PPM1H: variants seen among roughly 807,000 people sequenced by gnomAD.
PPM1H encodes the protein protein phosphatase 1H.
PPM1H carries 27 observed loss-of-function variants against 54.9 expected under a neutral mutation model. The observed-to-expected ratio is 0.49, with a 90% CI of 0.36 to 0.68. The LOEUF (loss-of-function observed/expected upper bound fraction) is 0.68, where lower values mean the gene tolerates loss of function less well. Ranked by LOEUF, PPM1H falls within the 30% of genes least tolerant of loss-of-function variation. The probability of loss-of-function intolerance (pLI) is 0.00; values close to 1 mark genes in which losing one functional copy is unlikely to be tolerated. For missense variants in PPM1H, 596 were observed against 667.8 expected (o/e 0.89, Z 1.19); for synonymous variants, 305 against 270.8 (o/e 1.13, Z -1.24).
intron 4 of PPM1H, among the ~76,000 whole-genome samples, chr12:62,783,276 C>A (rs1056801192): frequency 6.6e-6 from 1 of 152,156 alleles, no homozygotes; most frequent in African/African-American, 2.4e-5. Flanking sequence ...AACTGCAGTG[C>A]GTTTAAAATA....
At chr12:62,872,443 T>C (rs1870020534) in intron 1 of PPM1H, among the ~76,000 whole-genome samples, 1 of 152,198 alleles carries the variant, frequency 6.6e-6, no homozygotes, top group African/African-American at 2.4e-5. Context: ...ATGGCATAGA[T>C]GGAATATGAT....
intron 4 of PPM1H, among the ~76,000 whole-genome samples, chr12:62,748,529 AACACACACACACACAC>A (rs3052402): frequency 4.1e-5 from 6 of 147,290 alleles, no homozygotes; most frequent in African/African-American, 7.6e-5. Flanking sequence ...TTCAGTGTAG[AACACACACACACACAC>A]ACACACACAC....
At chr12:62,688,716 C>T (rs766333306) in intron 8 of PPM1H, among the ~76,000 whole-genome samples, 5 of 152,112 alleles carry the variant, frequency 3.3e-5, no homozygotes, top group Non-Finnish European at 2.9e-5. Flanking sequence ...TATGATCAGG[C>T]CAGGTGTGGT....
At chr12:62,751,333 AG>A (rs1191203115) in intron 4 of PPM1H, among the ~76,000 whole-genome samples, 3 of 152,234 alleles carry the variant, frequency 2.0e-5, no homozygotes, top group African/African-American at 7.2e-5. Flanking sequence ...ACACAATTCA[AG>A]GGGTGGAAAA....
chr12:62,774,747 G>T lies in PPM1H; in HGVS notation c.869+13479C>A, dbSNP rs146209619. 2.6e-3 allele frequency among the ~76,000 whole-genome samples: 398 copies of T among 152,214 alleles called. 3 individuals are homozygous for T. Among genetic ancestry groups the T allele is most frequent in the African/African-American group, 9.2e-3 (380 of 41,518 alleles). ...TTAGCAATCCCCTAAAATAGCAGAG[G>T]CTCAGCAAACTGTTCATGGATAAAG... is the stretch of plus-strand genomic sequence containing the variant. On this transcript the variant is annotated intron_variant, in intron 4 of 9. Coordinates refer to ENST00000228705, the MANE Select transcript of PPM1H (RefSeq NM_020700.2).
chr12:62,704,237 C>T (rs190064532), intron 6 of PPM1H, among the ~76,000 whole-genome samples: 1 of 152,240 alleles, frequency 6.6e-6, no homozygotes, highest in East Asian at 1.9e-4. Context: ...AAGGATCAGT[C>T]CCCAGGGTGA....
chr12:62,914,308 C>T (rs1226381618), intron 1 of PPM1H, among the ~76,000 whole-genome samples: 1 of 152,188 alleles, frequency 6.6e-6, no homozygotes, highest in Non-Finnish European at 1.5e-5. Context: ...CAGCCAGAGG[C>T]TTTCGCCAGA....
intron 1 of PPM1H, among the ~76,000 whole-genome samples, chr12:62,924,249 G>T (rs1221663117): frequency 6.6e-6 from 1 of 152,190 alleles, no homozygotes; most frequent in Non-Finnish European, 1.5e-5. Flanking sequence ...ACTGTAGGCA[G>T]TTCACCAACT....
intron 6 of PPM1H, among the ~76,000 whole-genome samples, chr12:62,717,389 G>C (rs2076240583): frequency 6.6e-6 from 1 of 151,906 alleles, no homozygotes; most frequent in African/African-American, 2.4e-5. Context: ...CTTCTGTGAA[G>C]TTCTATACAA....
At position 62,934,988 on chromosome 12, in the gene PPM1H, G is replaced by A. The variant is rs924097763; in HGVS notation, c.-252C>T. ...CGGAGCTGCATGGAGCGGGCCGACC[G>A]GGGGAGTCACCGCGCGCTCCAGGAG... On this transcript the variant is annotated 5_prime_UTR_variant, in exon 1 of 10. Transcript: ENST00000228705. This position sits in a 1 kb window ranked among gnomAD's most constrained non-coding sequence, Gnocchi z 4.2. 2.5e-5 allele frequency: 6 copies of A among 243,548 alleles called. No homozygotes were observed. The highest frequency in any genetic ancestry group is 6.8e-5 in the African/African-American group (3 of 43,934). 15.1% of individuals were successfully genotyped at this position (243,548 alleles called of 1,614,324 possible).
chr12:62,888,128 T>A (rs181488505), intron 1 of PPM1H, among the ~76,000 whole-genome samples: 194 of 152,220 alleles, frequency 1.3e-3, no homozygotes, highest in Non-Finnish European at 2.2e-3. Flanking sequence ...TGGCATATGT[T>A]TCAGAGGTGG....
chr12:62,780,552 T>C (rs60309222), intron 4 of PPM1H, among the ~76,000 whole-genome samples: 19,521 of 152,228 alleles, frequency 0.13, 1,592 homozygotes, highest in African/African-American at 0.23. Flanking sequence ...ATGATCTTCC[T>C]GCCTTGGCCT....
chr12:62,910,849 C>T (rs772558), intron 1 of PPM1H, among the ~76,000 whole-genome samples: 7 of 152,032 alleles, frequency 4.6e-5, no homozygotes, highest in Admixed American at 2.6e-4. Flanking sequence ...AGCAGCTGCC[C>T]GCAAGGAAGC....
chr12:62,869,127 G>A (rs756430885), intron 1 of PPM1H, among the ~76,000 whole-genome samples: 1 of 152,102 alleles, frequency 6.6e-6, no homozygotes, highest in African/African-American at 2.4e-5. Context: ...CCCTATATGT[G>A]GCTTTAGATA....
chr12:62,713,672 T>A (rs2076219833), intron 6 of PPM1H, among the ~76,000 whole-genome samples: 1 of 152,066 alleles, frequency 6.6e-6, no homozygotes, highest in South Asian at 2.1e-4. Flanking sequence ...TCCCACCTTT[T>A]AAAAAACTCT....
At chr12:62,724,943 T>A (rs138792913) in intron 5 of PPM1H, among the ~76,000 whole-genome samples, 135 of 152,326 alleles carry the variant, frequency 8.9e-4, no homozygotes, top group African/African-American at 3.1e-3. Flanking sequence ...CTGAATCATG[T>A]ATGTTCATAA....
chr12:62,896,258 G>A (rs1247039138), intron 1 of PPM1H, among the ~76,000 whole-genome samples: 25 of 152,082 alleles, frequency 1.6e-4, no homozygotes. Context: ...TGGGATCTAA[G>A]TAAACTAAAG....
At chr12:62,692,144 GA>G (rs1336100918) in intron 7 of PPM1H, among the ~76,000 whole-genome samples, 1 of 152,160 alleles carries the variant, frequency 6.6e-6, no homozygotes, top group Non-Finnish European at 1.5e-5. Flanking sequence ...ACGCGGAGAA[GA>G]AAGAGAAAAT....
chr12:62,789,603 T>C (rs2076692463), intron 3 of PPM1H, among the ~76,000 whole-genome samples: 1 of 152,254 alleles, frequency 6.6e-6, no homozygotes, highest in Admixed American at 6.5e-5. Flanking sequence ...CATTGAGAAC[T>C]TTCTCTACGT....
Sources: gnomAD v4.1 joint callset for allele counts (sites outside exome capture counted in the v4.1 genomes callset) on GRCh38, gnomAD v4.1.1 for gene constraint, Gnocchi (gnomAD v3.1) non-coding constraint, MANE v1.5 for transcripts, NCBI Gene and HGNC (gene_info 2026-07-23, HGNC 2026-07-21) for gene names.